The following LRRC4C variants were observed in gnomAD, a reference collection of about 807,000 sequenced individuals.
LRRC4C encodes the protein leucine rich repeat containing 4C, also known as leucine-rich repeat-containing protein 4C.
LRRC4C carries 5 observed loss-of-function variants against 33.6 expected under a neutral mutation model. The observed-to-expected ratio is 0.15, with a 90% CI of 0.08 to 0.31. The LOEUF (loss-of-function observed/expected upper bound fraction) is 0.31. LRRC4C is among the 10% of genes least tolerant of loss of function. LRRC4C has a pLI of 1.00. For synonymous variants in LRRC4C, 329 were observed against 302.0 expected (o/e 1.09, Z -0.93); for missense variants, 560 against 796.7 (o/e 0.70, Z 3.58).
intron 2 of LRRC4C, among the ~76,000 whole-genome samples, chr11:40,899,586 T>C (rs1956119588): frequency 6.6e-6 from 1 of 152,224 alleles, no homozygotes; most frequent in Non-Finnish European, 1.5e-5. Flanking sequence ...CAACATAGAT[T>C]TGTGTTCTTT....
At chr11:40,711,333 C>T (rs773108188) in intron 2 of LRRC4C, among the ~76,000 whole-genome samples, 29 of 152,014 alleles carry the variant, frequency 1.9e-4, no homozygotes, top group African/African-American at 6.0e-4. Context: ...TGGAATGGAC[C>T]GAACCTCAGA....
At chr11:40,227,944 C>T (rs1864929939) in intron 5 of LRRC4C, among the ~76,000 whole-genome samples, 1 of 152,110 alleles carries the variant, frequency 6.6e-6, no homozygotes, top group South Asian at 2.1e-4. Flanking sequence ...CCCACATAAA[C>T]CAGAGAGCAA....
At chr11:41,187,821 C>T (rs1261471249) in intron 1 of LRRC4C, among the ~76,000 whole-genome samples, 1 of 152,212 alleles carries the variant, frequency 6.6e-6, no homozygotes, top group Non-Finnish European at 1.5e-5. Context: ...CATCTGCATG[C>T]TCCCGCTAGA....
rs572131649 is a variant in LRRC4C at position 40,473,876 on chromosome 11, CT to C, written c.-269-154156del. 2.8e-3 allele frequency among the ~76,000 whole-genome samples: 423 copies of C among 152,154 alleles called. 5 individuals are homozygous for C. The highest frequency in any genetic ancestry group is 9.6e-3 in the African/African-American group (400 of 41,512). On this transcript the variant is annotated intron_variant, in intron 3 of 6. Transcript: ENST00000528697. ...AATTGCTACAAAGCGAATAAAATAC[CT>C]AGGAATATAACTTAGAAGGGATGTG...
chr11:40,531,490 A>C (rs1293565153), intron 3 of LRRC4C, among the ~76,000 whole-genome samples: 1 of 152,140 alleles, frequency 6.6e-6, no homozygotes. Context: ...AGAAGAAAAA[A>C]AAGAATTAAG....
At chr11:41,011,599 A>G (rs1315427304) in intron 1 of LRRC4C, among the ~76,000 whole-genome samples, 1 of 151,862 alleles carries the variant, frequency 6.6e-6, no homozygotes, top group Non-Finnish European at 1.5e-5. Context: ...GTTATTATAG[A>G]AATATTATGC....
At chr11:41,013,610 T>A (rs552486634) in intron 1 of LRRC4C, among the ~76,000 whole-genome samples, 4 of 152,212 alleles carry the variant, frequency 2.6e-5, no homozygotes, top group South Asian at 2.1e-4. Context: ...ACTGGGTGGT[T>A]TATAAAGAAG....
chr11:40,336,941 C>T (rs559481346), intron 3 of LRRC4C, among the ~76,000 whole-genome samples: 17 of 123,894 alleles, frequency 1.4e-4, no homozygotes, highest in Non-Finnish European at 2.4e-4. Context: ...TGCACCACTG[C>T]ACTCCAGCCT....
At chr11:40,292,489 A>C (rs1240035555) in intron 4 of LRRC4C, 1 of 152,176 alleles carries the variant, frequency 6.6e-6, no homozygotes, top group Non-Finnish European at 1.5e-5. Flanking sequence ...AAATTCAAAA[A>C]GAAAAGAAAA....
At chr11:40,324,736 A>G (rs1406836896) in intron 3 of LRRC4C, among the ~76,000 whole-genome samples, 1 of 152,222 alleles carries the variant, frequency 6.6e-6, no homozygotes, top group Non-Finnish European at 1.5e-5. Flanking sequence ...ATATTTACAG[A>G]TTAGGGTAAA....
At chr11:40,406,470 A>T (rs534732170) in intron 3 of LRRC4C, among the ~76,000 whole-genome samples, 1 of 152,288 alleles carries the variant, frequency 6.6e-6, no homozygotes, top group African/African-American at 2.4e-5. Context: ...TCACCATTAT[A>T]TTTCCAAATA....
chr11:40,573,692 C>T (rs1173617013), intron 3 of LRRC4C, among the ~76,000 whole-genome samples: 1 of 152,156 alleles, frequency 6.6e-6, no homozygotes, highest in Non-Finnish European at 1.5e-5. Context: ...GCACCTAGCA[C>T]AGTACATTAC....
intron 5 of LRRC4C, among the ~76,000 whole-genome samples, chr11:40,154,510 G>A (rs1858514926): frequency 6.6e-6 from 1 of 152,032 alleles, no homozygotes; most frequent in Non-Finnish European, 1.5e-5. Context: ...AAAGTAAAGG[G>A]GTGGAAAAAG....
At chr11:41,134,391 G>A (rs984870076) in intron 1 of LRRC4C, among the ~76,000 whole-genome samples, 2 of 152,120 alleles carry the variant, frequency 1.3e-5, no homozygotes, top group Admixed American at 1.3e-4. Flanking sequence ...GGCACACTCT[G>A]GGATTACAGG....
In LRRC4C at chr11:40,888,299, G is replaced by A. The variant is rs143820677; in HGVS notation, c.-407+45336C>T. ...TAATAAAATGTATATTTTAGGTAAA[G>A]TTGTATGGGCTTTCTTATTTTTGTC... On this transcript the variant is annotated intron_variant, in intron 2 of 6. Transcript: ENST00000528697. Among the ~76,000 whole-genome samples, 38 of 151,986 alleles carry A rather than the reference G, an allele frequency of 2.5e-4. No homozygotes were observed. The East Asian group carries it at 7.1e-3, about 29-fold the overall frequency.
At chr11:40,487,034 G>A (rs1455006212) in intron 3 of LRRC4C, among the ~76,000 whole-genome samples, 2 of 151,936 alleles carry the variant, frequency 1.3e-5, no homozygotes, top group East Asian at 1.9e-4. Context: ...AAAGTTATAC[G>A]GCGGGGCTCC....
intron 3 of LRRC4C, among the ~76,000 whole-genome samples, chr11:40,392,160 G>A (rs1384422084): frequency 6.6e-6 from 1 of 152,138 alleles, no homozygotes; most frequent in Non-Finnish European, 1.5e-5. Flanking sequence ...GTAAGCAGGA[G>A]GGATGAATAG....
At chr11:40,429,768 C>G (rs1470655399) in intron 3 of LRRC4C, among the ~76,000 whole-genome samples, 1 of 152,114 alleles carries the variant, frequency 6.6e-6, no homozygotes, top group Non-Finnish European at 1.5e-5. Flanking sequence ...AAATGGGATG[C>G]ACCATAGGAG....
At chr11:41,356,846 T>C (rs1952179564) in intron 1 of LRRC4C, among the ~76,000 whole-genome samples, 1 of 152,122 alleles carries the variant, frequency 6.6e-6, no homozygotes, top group South Asian at 2.1e-4. Flanking sequence ...TTTGGAAGTG[T>C]TATGCCATTA....
Sources: gnomAD v4.1 joint callset for allele counts (sites outside exome capture counted in the v4.1 genomes callset) on GRCh38, gnomAD v4.1.1 for gene constraint, MANE v1.5 for transcripts, NCBI Gene and HGNC (gene_info 2026-07-23, HGNC 2026-07-21) for gene names.